TMEM45A: variants seen among roughly 807,000 people sequenced by gnomAD.
TMEM45A encodes transmembrane protein 45A.
A neutral mutation model predicts 32.0 loss-of-function variants in TMEM45A; 25 were observed. The observed-to-expected ratio is 0.78, with a 90% CI of 0.57 to 1.09. The LOEUF is 1.09. Ranked by LOEUF, TMEM45A falls within the 50% of genes least tolerant of loss-of-function variation. The pLI is 0.00. For synonymous variants in TMEM45A, 122 were observed against 114.8 expected, an observed-to-expected ratio of 1.06 and a Z score of -0.40; for missense variants, 302 against 325.0, an observed-to-expected ratio of 0.93 and a Z score of 0.54.
intron 1 of TMEM45A, among the ~76,000 whole-genome samples, chr3:100,516,258 C>G (rs558488583): frequency 1.3e-5 from 2 of 152,320 alleles, no homozygotes; most frequent in South Asian, 2.1e-4. Context: ...ATTATGCTTT[C>G]TGGAGAGAAA....
chr3:100,523,699 CTCCT>C (rs1705482947), intron 1 of TMEM45A, among the ~76,000 whole-genome samples: 1 of 149,558 alleles, frequency 6.7e-6, no homozygotes. Flanking sequence ...CCTTCTCCTT[CTCCT>C]CCTCCTCCTT....
Position 100,555,324 on chromosome 3 carries a change from G to A in TMEM45A, c.113G>A (p.Cys38Tyr), listed in dbSNP as rs1334232481. ...KYICKKQKRT[C>Y]YLGSKTLFYR... ...ATCTGCAAAAAGCAAAAGCGAACCT[G>A]CTATCTTGGTTCCAAAACATTATTC... is the stretch of plus-strand genomic sequence containing the variant. The change falls in exon 2 of 6, where the codon TGC becomes TAC. Residue 38 changes from cysteine to tyrosine, a missense_variant. Transcript: ENST00000323523. The A allele has an allele frequency of 2.5e-6, 4 of 1,614,010 alleles. No homozygotes were observed. Among genetic ancestry groups the A allele is most frequent in the Non-Finnish European group, 3.4e-6 (4 of 1,179,960 alleles).
At chr3:100,560,396 G>A (rs547007551) in intron 4 of TMEM45A, among the ~76,000 whole-genome samples, 27 of 152,150 alleles carry the variant, frequency 1.8e-4, no homozygotes, top group African/African-American at 6.5e-4. Context: ...GTGTTAGTTT[G>A]TAGTTTTTTT....
intron 4 of TMEM45A, among the ~76,000 whole-genome samples, chr3:100,562,781 A>G (rs1472656339): frequency 1.3e-5 from 2 of 152,154 alleles, no homozygotes; most frequent in African/African-American, 2.4e-5. Flanking sequence ...TCATGGGGTT[A>G]TTGGGAAAAA....
chr3:100,563,747 G>A (rs6441330), intron 4 of TMEM45A, among the ~76,000 whole-genome samples: 8,152 of 152,130 alleles, frequency 0.054, 743 homozygotes, highest in African/African-American at 0.19. Flanking sequence ...GCCTTCTTCC[G>A]GGGGCTTCAG....
At chr3:100,558,686 CA>C in intron 4 of TMEM45A, 97 bp downstream of exon 4, 1 of 1,218,680 alleles carries the variant, frequency 8.2e-7, no homozygotes, top group South Asian at 1.4e-5. Context: ...TTCCCTCCAA[CA>C]TACTGCCTGT....
intron 1 of TMEM45A, among the ~76,000 whole-genome samples, chr3:100,528,856 C>A (rs1705596020): frequency 6.6e-6 from 1 of 151,914 alleles, no homozygotes; most frequent in Admixed American, 6.6e-5. Flanking sequence ...ATGACAGAGC[C>A]AAAGAAATAG....
At position 100,520,249 on chromosome 3, in the gene TMEM45A, T is replaced by C. The variant is rs147554667; in HGVS notation, c.-4+27321T>C. 3.2e-3 allele frequency among the ~76,000 whole-genome samples: 482 copies of C among 152,258 alleles called. 4 individuals carry two copies. Among genetic ancestry groups the C allele is most frequent in the Non-Finnish European group, 5.1e-3 (350 of 68,022 alleles). On this transcript the variant is annotated intron_variant, in intron 1 of 5. Transcript: ENST00000323523. ...ATAAGGTGATGAGAGCAGGTCTCAT[T>C]GAGAAAGAGCTCCCCTGCAGAGCTC... is the stretch of plus-strand genomic sequence containing the variant.
At chr3:100,542,085 G>A (rs1007335886) in intron 1 of TMEM45A, among the ~76,000 whole-genome samples, 1 of 152,178 alleles carries the variant, frequency 6.6e-6, no homozygotes, top group Non-Finnish European at 1.5e-5. Context: ...GTCAGATAAT[G>A]TGATGTCTCT....
At position 100,568,958 on chromosome 3, in the gene TMEM45A, T is replaced by C. The variant is rs1321265601; in HGVS notation, c.725T>C (p.Phe242Ser). The C allele has an allele frequency of 6.2e-7, 1 of 1,610,754 alleles. No homozygotes were observed. Among genetic ancestry groups the C allele is most frequent in the Non-Finnish European group, 8.5e-7 (1 of 1,177,308 alleles). The stretch of plus-strand genomic sequence containing the variant: ...GTCATCGTTGGAATGAATTATGCTT[T>C]CATTACCTGGTAAGTTAGCGATTTC... Reference protein sequence around the residue: ...TIVIVGMNYAFITWLVKSRLK... With the variant: ...TIVIVGMNYASITWLVKSRLK... The change falls in exon 5 of 6, where the codon TTC (phenylalanine) becomes TCC (serine). Residue 242 changes from phenylalanine (F) to serine (S), a missense_variant. Transcript: ENST00000323523.
At chr3:100,508,809 A>T (rs975998318) in intron 1 of TMEM45A, among the ~76,000 whole-genome samples, 5 of 141,210 alleles carry the variant, frequency 3.5e-5, no homozygotes, top group Admixed American at 1.4e-4. Context: ...CTCACTATAT[A>T]AAAAAAAAAA....
chr3:100,504,785 T>C (rs149617550), intron 1 of TMEM45A, among the ~76,000 whole-genome samples: 52 of 152,352 alleles, frequency 3.4e-4, no homozygotes, highest in Non-Finnish European at 6.3e-4. Context: ...TTCTATCACT[T>C]TCTTTCCAGC....
intron 1 of TMEM45A, among the ~76,000 whole-genome samples, chr3:100,506,253 C>A (rs1017530832): frequency 6.6e-6 from 1 of 152,166 alleles, no homozygotes; most frequent in African/African-American, 2.4e-5. Flanking sequence ...GAGCACTGCT[C>A]CATATTTGCC....
intron 1 of TMEM45A, among the ~76,000 whole-genome samples, chr3:100,507,694 C>T (rs1157842317): frequency 1.3e-5 from 2 of 152,032 alleles, no homozygotes; most frequent in Non-Finnish European, 2.9e-5. Context: ...CCATGATGGT[C>T]TGGATGGCGA....
chr3:100,519,482 A>G, intron 1 of TMEM45A: 2 of 1,391,822 alleles, frequency 1.4e-6, no homozygotes, highest in Non-Finnish European at 2.0e-6. Context: ...GCATTACCTA[A>G]GAAGCAAAGG....
intron 1 of TMEM45A, among the ~76,000 whole-genome samples, chr3:100,536,127 A>G (rs1705735567): frequency 6.6e-6 from 1 of 152,172 alleles, no homozygotes. Context: ...CAAGGAGGCT[A>G]CTAAACATCC....
chr3:100,561,493 G>A (rs1218743604), intron 4 of TMEM45A, among the ~76,000 whole-genome samples: 2 of 152,182 alleles, frequency 1.3e-5, no homozygotes, highest in Admixed American at 6.5e-5. Context: ...TGGGTAATAC[G>A]TAAATGGAGA....
chr3:100,546,737 C>T (rs1241432301), intron 1 of TMEM45A, among the ~76,000 whole-genome samples: 1 of 152,130 alleles, frequency 6.6e-6, no homozygotes. Context: ...ATGCCTTTTT[C>T]CCTATGTTAT....
At position 100,496,985 on chromosome 3, in the gene TMEM45A, A is replaced by G. The variant is rs530360100; in HGVS notation, c.-4+4057A>G. Among the ~76,000 whole-genome samples the G allele has an allele frequency of 8.5e-5, 13 of 152,288 alleles. No homozygotes were observed. In the East Asian group the frequency reaches 1.4e-3, roughly 16 times the overall value. Reference sequence around the variant, plus strand: ...TGTGGTTTTGGGCTAAGAACTTCTCATGGTGAATATCAATGAAGGTCTATT... The same window carrying G: ...TGTGGTTTTGGGCTAAGAACTTCTCGTGGTGAATATCAATGAAGGTCTATT... On this transcript the variant is annotated intron_variant, in intron 1 of 5. Transcript: ENST00000323523.
Sources: gnomAD v4.1 joint callset for allele counts (sites outside exome capture counted in the v4.1 genomes callset) on GRCh38, gnomAD v4.1.1 for gene constraint, MANE v1.5 for transcripts, NCBI Gene and HGNC (gene_info 2026-07-23, HGNC 2026-07-21) for gene names.